Variants in ATP5F1C observed in about 807,000 individuals in gnomAD.
ATP5F1C encodes the protein ATP synthase F1 subunit gamma.
ATP5F1C carries 22 observed loss-of-function variants against 37.4 expected under a neutral mutation model. The observed-to-expected ratio is 0.59, with a 90% CI of 0.42 to 0.84. ATP5F1C has a LOEUF of 0.84. Among genes scored for constraint, ATP5F1C ranks in the 40% least tolerant of loss-of-function variants. The probability of loss-of-function intolerance (pLI) is 0.00; values close to 1 mark genes in which losing one functional copy is unlikely to be tolerated. For missense variants in ATP5F1C, 286 were observed against 362.4 expected (o/e 0.79, Z 1.71); for synonymous variants, 121 against 128.0 (o/e 0.95, Z 0.37).
At chr10:7,807,572 C>T (rs1035581815) in intron 9 of ATP5F1C, 87 bp from the exon 10 acceptor site, 1 of 1,445,416 alleles carries the variant, frequency 6.9e-7, no homozygotes, top group Non-Finnish European at 9.5e-7. Context: ...CTCTGTACCC[C>T]ACTTAAATAT....
At chr10:7,789,009 TA>T (rs1378076634) in intron 1 of ATP5F1C, among the ~76,000 whole-genome samples, 2 of 152,008 alleles carry the variant, frequency 1.3e-5, no homozygotes, top group Non-Finnish European at 2.9e-5. Context: ...TGGCATTTGT[TA>T]ACTGACATGC....
intron 8 of ATP5F1C, among the ~76,000 whole-genome samples, chr10:7,804,427 G>A (rs573931507): frequency 5.9e-5 from 9 of 152,190 alleles, no homozygotes; most frequent in Non-Finnish European, 7.4e-5. Flanking sequence ...CTACAGATTC[G>A]TCACTCTTTC....
intron 4 of ATP5F1C, 192 bp from the exon 5 acceptor site, chr10:7,799,576 ATTTT>A (rs769087252): frequency 1.9e-4 from 117 of 616,666 alleles, no homozygotes; most frequent in Admixed American, 5.8e-4. Context: ...AACAGACCTC[ATTTT>A]TAGTTCTTAG....
chr10:7,799,241 A>G, intron 4 of ATP5F1C, 47 bp downstream of exon 4: 1 of 1,544,600 alleles, frequency 6.5e-7, no homozygotes, highest in South Asian at 1.2e-5. Flanking sequence ...GTAAGCACGA[A>G]TAAATCTTCT....
At chr10:7,807,494 A>G (rs1297265292) in intron 9 of ATP5F1C, among the ~76,000 whole-genome samples, 165 bp from the exon 10 acceptor site, 2 of 152,246 alleles carry the variant, frequency 1.3e-5, no homozygotes, top group African/African-American at 2.4e-5. Flanking sequence ...GAACCCCATG[A>G]AAGGTTCCCC....
chr10:7,805,036 T>C (rs1451576242), intron 8 of ATP5F1C, among the ~76,000 whole-genome samples: 1 of 152,062 alleles, frequency 6.6e-6, no homozygotes, highest in Non-Finnish European at 1.5e-5. Flanking sequence ...TCTTCTCTTA[T>C]TTTACTTTCT....
chr10:7,806,883 T>C lies in ATP5F1C; in HGVS notation c.891-91T>C, dbSNP rs1224992275. ...TATCAAGTTTAACAATTGACTTTTT[T>C]TCATTGGAAAGCATATGTGATTAAC... On this transcript the variant is annotated intron_variant, in intron 8 of 9. Coordinates refer to ENST00000356708, the MANE Select transcript of ATP5F1C (RefSeq NM_001001973.3). The C allele has an allele frequency of 4.4e-6, 5 of 1,141,002 alleles. No homozygotes were observed. In the East Asian group the frequency reaches 9.4e-5, roughly 22 times the overall value. 70.7% of individuals were successfully genotyped at this position (1,141,002 alleles called of 1,614,324 possible). A position where few individuals can be genotyped will look rare whatever the true frequency, so the allele number is the denominator to read the frequency against.
chr10:7,802,048 A>G (rs1346214702), intron 6 of ATP5F1C, among the ~76,000 whole-genome samples: 1 of 152,220 alleles, frequency 6.6e-6, no homozygotes, highest in Non-Finnish European at 1.5e-5. Flanking sequence ...ACACATGTGG[A>G]GTAGAATATC....
At chr10:7,798,019 C>A (rs961908187) in intron 3 of ATP5F1C, among the ~76,000 whole-genome samples, 6 of 152,096 alleles carry the variant, frequency 3.9e-5, no homozygotes, top group African/African-American at 1.4e-4. Context: ...TAATTACATT[C>A]TTTCTCTTAA....
chr10:7,799,847 C>T lies in ATP5F1C; in HGVS notation c.504C>T (p.Val168=), dbSNP rs536966813. The T allele has an allele frequency of 4.0e-5, 65 of 1,614,202 alleles. No individual in the cohort carries two copies. The South Asian group carries it at 6.8e-4, about 17-fold the overall frequency. The change falls in exon 5 of 10, where the codon GTC becomes GTT. Residue 168 remains valine (V), a synonymous_variant. Coordinates refer to ENST00000356708, the MANE Select transcript of ATP5F1C (RefSeq NM_001001973.3). ...CCCCCACTTTTGGAGATGCGTCAGT[C>T]ATTGCCCTTGAATTACTAAATTCTG... ...RKPPTFGDAS[V]IALELLNSGY...
At chr10:7,797,820 T>C (rs1412857053) in intron 3 of ATP5F1C, among the ~76,000 whole-genome samples, 2 of 152,206 alleles carry the variant, frequency 1.3e-5, no homozygotes, top group Non-Finnish European at 2.9e-5. Context: ...ATGAAGACAT[T>C]TTTCCTTCAG....
chr10:7,805,632 A>G (rs952809466), intron 8 of ATP5F1C, among the ~76,000 whole-genome samples: 6 of 151,400 alleles, frequency 4.0e-5, no homozygotes, highest in African/African-American at 1.5e-4. Flanking sequence ...CTGTAGTCCC[A>G]GCTACTATGG....
intron 6 of ATP5F1C, 25 bp downstream of exon 6, chr10:7,800,116 A>C (rs1280528156): frequency 6.2e-7 from 1 of 1,603,050 alleles, no homozygotes. Context: ...TATGATACAT[A>C]TTTTTTGGCA....
At position 7,802,849 on chromosome 10, in the gene ATP5F1C, A is replaced by T; in HGVS notation, c.885A>T (p.Ala295=). The T allele has an allele frequency of 6.2e-7, 1 of 1,613,460 alleles. No individual in the cohort carries two copies. Among genetic ancestry groups the T allele is most frequent in the East Asian group, 2.2e-5 (1 of 44,852 alleles). The change falls in exon 8 of 10, where the codon GCA becomes GCT. Residue 295 remains alanine (A), a synonymous_variant. Coordinates refer to ENST00000356708, the MANE Select transcript of ATP5F1C (RefSeq NM_001001973.3). ...KELIEIISGA[A]ALD ...TGATTGAAATTATCTCTGGTGCTGC[A>T]GCTCTGTGAGTAATTGTAGATTGTC... is the stretch of plus-strand genomic sequence containing the variant.
At chr10:7,795,578 A>G (rs1836224865) in intron 1 of ATP5F1C, among the ~76,000 whole-genome samples, 2 of 152,364 alleles carry the variant, frequency 1.3e-5, no homozygotes, top group South Asian at 2.1e-4. Context: ...GTCAGAGACC[A>G]TGTCGTGTTT....
chr10:7,792,567 C>T (rs186777502), intron 1 of ATP5F1C, among the ~76,000 whole-genome samples: 4 of 152,306 alleles, frequency 2.6e-5, no homozygotes, highest in Admixed American at 2.0e-4. Flanking sequence ...GCTAGATCCT[C>T]GGCTTTTCTG....
intron 8 of ATP5F1C, among the ~76,000 whole-genome samples, chr10:7,804,909 T>G (rs962933428): frequency 3.3e-5 from 5 of 152,252 alleles, no homozygotes; most frequent in Non-Finnish European, 5.9e-5. Context: ...TAAGTGTTAC[T>G]TTTCAAGGGC....
intron 5 of ATP5F1C, 36 bp from the exon 6 acceptor site, chr10:7,799,991 T>G (rs758068337): frequency 1.2e-6 from 2 of 1,607,558 alleles, no homozygotes; most frequent in Non-Finnish European, 1.7e-6. Flanking sequence ...GTTTAAAAAT[T>G]ATTTTGAGAT....
chr10:7,791,160 C>T (rs1370224343), intron 1 of ATP5F1C, among the ~76,000 whole-genome samples: 1 of 152,026 alleles, frequency 6.6e-6, no homozygotes, highest in South Asian at 2.1e-4. Context: ...ATTACCCAGA[C>T]GTGGTGGTAC....
Sources: allele counts gnomAD v4.1 joint callset (sites outside exome capture counted in the v4.1 genomes callset), GRCh38; gene constraint gnomAD v4.1.1; transcripts MANE v1.5; gene names NCBI Gene and HGNC (gene_info 2026-07-23, HGNC 2026-07-21).